Variants in PAH observed in about 807,000 individuals in gnomAD.
The protein encoded by PAH is phenylalanine-4-hydroxylase.
In PAH, 64 loss-of-function variants were observed where a neutral mutation model predicts 62.0. That is an observed-to-expected ratio of 1.03 (90% CI 0.84 to 1.27). The LOEUF (loss-of-function observed/expected upper bound fraction) is 1.27. Ranked by LOEUF, PAH falls within the 50% of genes most tolerant of loss-of-function variation. The pLI, the probability that PAH is intolerant of heterozygous loss-of-function variation, is 0.00. For missense variants in PAH, 579 were observed against 542.8 expected (o/e 1.07, Z -0.66); for synonymous variants, 195 against 196.2 (o/e 0.99, Z 0.05).
chr12:102,903,665 A>AAAAT (rs753197721), intron 2 of PAH, among the ~76,000 whole-genome samples: 3 of 152,196 alleles, frequency 2.0e-5, no homozygotes, highest in Non-Finnish European at 4.4e-5. Context: ...GTCTACTGTA[A>AAAAT]AAATGGAAGG....
intron 5 of PAH, among the ~76,000 whole-genome samples, chr12:102,860,434 T>C (rs944804182): frequency 3.9e-5 from 6 of 152,204 alleles, no homozygotes; most frequent in Non-Finnish European, 5.9e-5. Flanking sequence ...GATTTAATGC[T>C]ATCCCCATGA....
intron 5 of PAH, 101 bp from the exon 6 acceptor site, chr12:102,855,433 G>T: frequency 1.2e-6 from 1 of 809,568 alleles, no homozygotes; most frequent in Non-Finnish European, 2.1e-6. Flanking sequence ...CCTGTGAGCT[G>T]CCATCACTTG....
At position 102,910,611 on chromosome 12, in the gene PAH, C is replaced by T. The variant is rs1460012449; in HGVS notation, c.168+2180G>A. On this transcript the variant is annotated intron_variant, in intron 2 of 12. Coordinates refer to ENST00000553106, the MANE Select transcript of PAH (RefSeq NM_000277.3). Reference sequence around the variant, plus strand: ...GGTCTCGATCTCCTGACCTTGTGATCCGTCAGCCTCAGCCTCCCAAAGTGC... The same window carrying T: ...GGTCTCGATCTCCTGACCTTGTGATTCGTCAGCCTCAGCCTCCCAAAGTGC... Among the ~76,000 whole-genome samples the T allele has an allele frequency of 2.0e-5, 3 of 152,200 alleles. No individual in the cohort carries two copies. The East Asian group carries it at 5.8e-4, about 29-fold the overall frequency.
At chr12:102,946,402 C>T (rs887914100) in intron 1 of PAH, among the ~76,000 whole-genome samples, 27 of 152,156 alleles carry the variant, frequency 1.8e-4, no homozygotes, top group African/African-American at 6.5e-4. Context: ...GCTGTTTAGC[C>T]CATGTTGGTG....
chr12:102,851,735 C>T lies in PAH; in HGVS notation c.864G>A (p.Leu288=). The T allele has an allele frequency of 6.2e-7, 1 of 1,614,036 alleles. No individual in the cohort carries two copies. Residue 288 remains leucine (L), a synonymous_variant, in exon 8 of 13, where the codon TTG becomes TTA. Transcript: ENST00000553106. Reference sequence around the variant, plus strand: ...GATCTGAAAACAAGGGCACATGTCCCAACAGCTCATGGCAGATGTCACTGA... The same window carrying T: ...GATCTGAAAACAAGGGCACATGTCCTAACAGCTCATGGCAGATGTCACTGA... ...TPEPDICHEL[L]GHVPLFSDRS... is the part of the protein sequence containing the mutation.
chr12:102,868,501 A>T (rs1278283027), intron 4 of PAH, among the ~76,000 whole-genome samples: 1 of 152,094 alleles, frequency 6.6e-6, no homozygotes, highest in Non-Finnish European at 1.5e-5. Context: ...AAAAGATTTT[A>T]TGACACGGTT....
chr12:102,944,921 A>G (rs1282451179), intron 1 of PAH, among the ~76,000 whole-genome samples: 3 of 152,232 alleles, frequency 2.0e-5, no homozygotes, highest in African/African-American at 7.2e-5. Context: ...AGGTATTCTA[A>G]TAAATTTGGA....
At chr12:102,866,517 T>G (rs1875968538) in intron 5 of PAH, 79 bp downstream of exon 5, 1 of 1,105,820 alleles carries the variant, frequency 9.0e-7, no homozygotes, top group Admixed American at 1.7e-5. Context: ...TTTTCCATCC[T>G]CAACTGGATG....
rs1876393756 is a variant in PAH at position 102,872,621 on chromosome 12, G to A, written c.441+4841C>T. Among the ~76,000 whole-genome samples, 3 of 152,194 alleles carry A rather than the reference G, an allele frequency of 2.0e-5. No individual in the cohort carries two copies. In the South Asian group the frequency reaches 6.2e-4, roughly 32 times the overall value. On this transcript the variant is annotated intron_variant, in intron 4 of 12. Transcript: ENST00000553106. ...TGTTATTGGGCAATTTGCTGAAGAA[G>A]AAATTTCCTACAGGAGAGCAGGAAA...
At chr12:102,868,884 T>G (rs1367000387) in intron 4 of PAH, among the ~76,000 whole-genome samples, 1 of 152,192 alleles carries the variant, frequency 6.6e-6, no homozygotes, top group Non-Finnish European at 1.5e-5. Context: ...AGTGAATAGT[T>G]TTTCTCCAGG....
At chr12:102,853,066 G>T in intron 6 of PAH, 116 bp from the exon 7 acceptor site, 3 of 1,144,272 alleles carry the variant, frequency 2.6e-6, no homozygotes, top group South Asian at 1.3e-5. Flanking sequence ...AGGCTTTGAC[G>T]CTAGGCAGAC....
chr12:102,895,082 T>G (rs1217795968), intron 2 of PAH, among the ~76,000 whole-genome samples, 164 bp from the exon 3 acceptor site: 2 of 152,238 alleles, frequency 1.3e-5, no homozygotes, highest in African/African-American at 4.8e-5. Flanking sequence ...AAAAGTTGTT[T>G]ACTTTTTCTT....
rs281865458 is a variant in PAH at position 102,843,693 on chromosome 12, G to C, written c.1152C>G (p.Pro384=). 1.2e-6 allele frequency: 2 copies of C among 1,613,576 alleles called. No individual in the cohort carries two copies. Among genetic ancestry groups the C allele is most frequent in the Admixed American group, 1.7e-5 (1 of 59,978 alleles). Residue 384 remains proline (P), a synonymous_variant, in exon 11 of 13, where the codon CCC becomes CCG. Coordinates refer to ENST00000553106, the MANE Select transcript of PAH (RefSeq NM_000277.3). ...TAAAACTCTCTGCCACGTAATAGAG[G>C]GGCTGGAACTCCGTGACAGTGTAAT... ...IQNYTVTEFQ[P]LYYVAESFND... is the part of the protein sequence containing the mutation.
upstream of PAH, among the ~76,000 whole-genome samples, chr12:102,951,870 T>C (rs78539371): frequency 7.8e-4 from 118 of 152,164 alleles, 4 homozygotes; most frequent in East Asian, 0.015. Context: ...TCCTTCTCTT[T>C]CTCTCTTGCC....
At chr12:102,920,800 T>C (rs986976943), upstream of PAH, among the ~76,000 whole-genome samples, 5 of 152,222 alleles carry the variant, frequency 3.3e-5, no homozygotes, top group African/African-American at 1.2e-4. Context: ...CATAGTTTCT[T>C]TTTTCTTTCA....
In PAH at chr12:102,839,005, A is replaced by G. The variant is rs933723107; in HGVS notation, c.*170T>C. 2.9e-5 allele frequency: 19 copies of G among 664,364 alleles called. No individual in the cohort carries two copies. The highest frequency in any genetic ancestry group is 9.1e-5 in the Admixed American group (4 of 44,146). 41.2% of individuals were successfully genotyped at this position (664,364 alleles called of 1,614,324 possible). ...ATTATGCTCTTGAGTATGTACTCAT[A>G]TCCTGTCATTTCAGATTATTTTGAC... On this transcript the variant is annotated 3_prime_UTR_variant, in exon 13 of 13. Coordinates refer to ENST00000553106, the MANE Select transcript of PAH (RefSeq NM_000277.3).
At chr12:102,851,596 G>T in intron 8 of PAH, 91 bp downstream of exon 8, 1 of 1,008,664 alleles carries the variant, frequency 9.9e-7, no homozygotes, top group Non-Finnish European at 1.6e-6. Context: ...CGCTCTTGCA[G>T]AGGGCATGAG....
intron 2 of PAH, among the ~76,000 whole-genome samples, chr12:102,907,439 G>A (rs778842807): frequency 1.3e-4 from 20 of 152,060 alleles, no homozygotes; most frequent in African/African-American, 1.9e-4. Flanking sequence ...TTACTCAACC[G>A]CTCTGAACCT....
At chr12:102,904,808 C>G (rs924395459) in intron 2 of PAH, 5 of 483,828 alleles carry the variant, frequency 1.0e-5, no homozygotes, top group African/African-American at 9.9e-5. Flanking sequence ...TGTAAACACC[C>G]GAGTAGACTA....
Sources: gnomAD v4.1 joint callset for allele counts (sites outside exome capture counted in the v4.1 genomes callset) on GRCh38, gnomAD v4.1.1 for gene constraint, MANE v1.5 for transcripts, NCBI Gene and HGNC (gene_info 2026-07-23, HGNC 2026-07-21) for gene names.